Variants in ELF4 observed in about 807,000 individuals in gnomAD.
ELF4 encodes the protein E74 like ETS transcription factor 4, also known as ETS-related transcription factor Elf-4.
A neutral mutation model predicts 31.7 loss-of-function variants in ELF4; 10 were observed. That is an observed-to-expected ratio of 0.32 (90% confidence interval 0.19 to 0.54). The LOEUF is 0.54. Among genes scored for constraint, ELF4 ranks in the 20% least tolerant of loss-of-function variants. ELF4 has a pLI of 0.95. For missense variants in ELF4, 418 were observed against 522.0 expected (o/e 0.80, Z 1.94); for synonymous variants, 208 against 226.7 (o/e 0.92, Z 0.74).
intron 1 of ELF4, among the ~76,000 whole-genome samples, chrX:130,105,191 G>A (rs1349819218): frequency 9.0e-6 from 1 of 110,867 alleles, no homozygotes; most frequent in Non-Finnish European, 1.9e-5. Flanking sequence ...AGAAAAGAAG[G>A]TGGCAACTCA....
rs1232768849 is a variant in ELF4, at chrX:130,074,651, A to G, written c.177T>C (p.Asn59=). Reference sequence around the variant, plus strand: ...ACAAGGTCCCGTCTGTTATGATGCCATTGTGAACGTCGTCCAACTCCAGTC... The same window carrying G: ...ACAAGGTCCCGTCTGTTATGATGCCGTTGTGAACGTCGTCCAACTCCAGTC... ...YSGLELDDVH[N]GIITDGTLCM... is the part of the protein sequence containing the mutation. Residue 59 remains asparagine (N), a synonymous_variant, in exon 3 of 9, where the codon AAT becomes AAC. Transcript: ENST00000308167. 1 of 1,211,774 alleles carries G rather than the reference A, an allele frequency of 8.3e-7. No homozygotes were observed. Among genetic ancestry groups the G allele is most frequent in the Non-Finnish European group, 1.1e-6 (1 of 895,578 alleles).
rs773267045 is a variant in ELF4, at chrX:130,072,439, G to T, written c.341-22C>A. 15 of 1,208,743 alleles carry T rather than the reference G, an allele frequency of 1.2e-5. No homozygotes were observed. In the South Asian group the frequency reaches 2.5e-4, roughly 20 times the overall value. ...CTGACTGCAAGAAGAAAGACCTGAG[G>T]TGGGCGGGGCCCAGGCAGGGCTGGA... On this transcript the variant is annotated intron_variant, in intron 4 of 8. Coordinates refer to ENST00000308167, the MANE Select transcript of ELF4 (RefSeq NM_001421.4).
chrX:130,078,560 C>T (rs1473272078), intron 2 of ELF4, among the ~76,000 whole-genome samples: 2 of 110,272 alleles, frequency 1.8e-5, no homozygotes, highest in Non-Finnish European at 3.8e-5. Flanking sequence ...GAGTTTGAGA[C>T]CAGCCTGACC....
At chrX:130,086,975 C>T (rs780254697) in intron 1 of ELF4, among the ~76,000 whole-genome samples, 4 of 112,336 alleles carry the variant, frequency 3.6e-5, no homozygotes, top group Admixed American at 1.9e-4. Context: ...GTCCTCACCC[C>T]GCCCCAGCAC....
At chrX:130,097,377 C>T (rs1050443911) in intron 1 of ELF4, among the ~76,000 whole-genome samples, 1 of 109,915 alleles carries the variant, frequency 9.1e-6, no homozygotes, top group Non-Finnish European at 1.9e-5. Flanking sequence ...GCAGAGGTTG[C>T]AGTGAGTTGA....
At position 130,065,103 on chromosome X, in the gene ELF4, G is replaced by T. The variant is rs974500123; in HGVS notation, c.*1618C>A. ...CAAAGAAGAGAAGAGCGAGAGCGCG[G>T]CCAGGGGAGGTAGTTAGGTCAAGTG... On this transcript the variant is annotated 3_prime_UTR_variant, in exon 9 of 9. Coordinates refer to ENST00000308167, the MANE Select transcript of ELF4 (RefSeq NM_001421.4). 2.3e-5 allele frequency: 4 copies of T among 173,311 alleles called. No homozygotes were observed. Among genetic ancestry groups the T allele is most frequent in the African/African-American group, 1.2e-4 (4 of 33,784 alleles). The allele number at this position is 173,311 out of a possible 1,213,427, so 14.3% of individuals were successfully genotyped here.
In ELF4 at chrX:130,065,619, C is replaced by T. The variant is rs1041886523; in HGVS notation, c.*1102G>A. The T allele has an allele frequency of 4.0e-5, 7 of 174,382 alleles. No individual in the cohort carries two copies. Among genetic ancestry groups the T allele is most frequent in the South Asian group, 6.2e-4 (2 of 3,235 alleles). The allele number at this position is 174,382 out of a possible 1,213,427, so 14.4% of individuals were successfully genotyped here. On this transcript the variant is annotated 3_prime_UTR_variant, in exon 9 of 9. Coordinates refer to ENST00000308167, the MANE Select transcript of ELF4 (RefSeq NM_001421.4). ...GAATGGGGGTGGACCCCATCTAGGT[C>T]GCTGCCGGACTAGCCGCAGTGATGC... is the stretch of plus-strand genomic sequence containing the variant.
rs200239122 is a variant in ELF4 at position 130,069,413 on chromosome X, G to A, written c.1074C>T (p.Leu358=). 8.3e-7 allele frequency: 1 copy of A among 1,211,946 alleles called. No homozygotes were observed. The highest frequency in any genetic ancestry group is 1.1e-6 in the Non-Finnish European group (1 of 895,568). ...WEKPKIQHVG[L]QPSASLELGP... ...CCAATTCCAGACTCGCAGATGGCTGGAGACCGACATGCTGAATTTTTGGCT... is the reference window on the plus strand; with the variant it reads ...CCAATTCCAGACTCGCAGATGGCTGAAGACCGACATGCTGAATTTTTGGCT... Residue 358 remains leucine, a synonymous_variant, in exon 8 of 9, where the codon CTC becomes CTT. Coordinates refer to ENST00000308167, the MANE Select transcript of ELF4 (RefSeq NM_001421.4).
chrX:130,097,773 G>A (rs1295666847), intron 1 of ELF4, among the ~76,000 whole-genome samples: 1 of 112,948 alleles, frequency 8.9e-6, no homozygotes, highest in Non-Finnish European at 1.9e-5. Flanking sequence ...TTGGGCTGGC[G>A]CCCAGGCCAG....
chrX:130,078,807 A>ACACACACACACAC (rs1932860456), intron 2 of ELF4, among the ~76,000 whole-genome samples: 1 of 102,669 alleles, frequency 9.7e-6, no homozygotes, highest in Non-Finnish European at 2.0e-5. Flanking sequence ...ACACACACAC[A>ACACACACACACAC]ATTAGCCAGG....
Position 130,108,817 on chromosome X carries a change from C to A in ELF4, c.-210+1508G>T, listed in dbSNP as rs891295678. Among the ~76,000 whole-genome samples, 13 of 109,774 alleles carry A rather than the reference C, an allele frequency of 1.2e-4. No homozygotes were observed. In the East Asian group the frequency reaches 2.9e-3, roughly 24 times the overall value. On this transcript the variant is annotated intron_variant, in intron 1 of 8. Transcript: ENST00000308167. ...ATGGAGCCTGCTTCATGGTCCCCCC[C>A]ACCCCTGCCCCCAACAAGAGATCCC...
chrX:130,097,518 G>A (rs777122470), intron 1 of ELF4, among the ~76,000 whole-genome samples: 61 of 112,268 alleles, frequency 5.4e-4, no homozygotes, highest in Non-Finnish European at 4.3e-4. Context: ...TGTCAGATAC[G>A]TGGCTCTCCT....
chrX:130,099,331 T>G (rs771930063), intron 1 of ELF4, among the ~76,000 whole-genome samples: 4 of 111,921 alleles, frequency 3.6e-5, no homozygotes, highest in Non-Finnish European at 7.5e-5. Flanking sequence ...CCCAACACTT[T>G]GGGAGGCAGA....
At chrX:130,097,018 C>A (rs901723638) in intron 1 of ELF4, among the ~76,000 whole-genome samples, 5 of 108,919 alleles carry the variant, frequency 4.6e-5, no homozygotes, top group African/African-American at 1.3e-4. Flanking sequence ...TGCAAGGGGC[C>A]GGGCATGGTG....
At chrX:130,092,512 G>A (rs1189154637) in intron 1 of ELF4, among the ~76,000 whole-genome samples, 1 of 112,630 alleles carries the variant, frequency 8.9e-6, no homozygotes, top group Non-Finnish European at 1.9e-5. Context: ...CTGGGAGGGA[G>A]ATTGGGGCTC....
At chrX:130,089,781 C>T (rs1473859881) in intron 1 of ELF4, among the ~76,000 whole-genome samples, 1 of 112,035 alleles carries the variant, frequency 8.9e-6, no homozygotes, top group African/African-American at 3.2e-5. Flanking sequence ...ACACAGCAGT[C>T]AAAGATTCAG....
chrX:130,074,000 A>G, intron 4 of ELF4, 49 bp downstream of exon 4: 3 of 1,167,356 alleles, frequency 2.6e-6, no homozygotes, highest in Non-Finnish European at 3.5e-6. Context: ...ATATTTTTAA[A>G]TGGAATTATT....
chrX:130,105,854 CTGTGTG>C (rs60216838), intron 1 of ELF4, among the ~76,000 whole-genome samples: 3,327 of 86,404 alleles, frequency 0.039, 90 homozygotes, highest in African/African-American at 0.075. Flanking sequence ...CCCCAGGGGC[CTGTGTG>C]TGTGTGTGTG....
intron 1 of ELF4, among the ~76,000 whole-genome samples, chrX:130,087,475 C>T (rs766538044): frequency 3.6e-5 from 4 of 112,531 alleles, no homozygotes; most frequent in African/African-American, 6.5e-5. Context: ...TAGCCCGAAA[C>T]GTGTTTTTCT....
Sources: gnomAD v4.1 joint callset for allele counts (sites outside exome capture counted in the v4.1 genomes callset) on GRCh38, gnomAD v4.1.1 for gene constraint, MANE v1.5 for transcripts, NCBI Gene and HGNC (gene_info 2026-07-23, HGNC 2026-07-21) for gene names.